Variants in CCSER1 observed in about 807,000 individuals in gnomAD.
CCSER1 encodes the protein coiled-coil serine rich protein 1, also known as serine-rich coiled-coil domain-containing protein 1.
A neutral mutation model predicts 82.0 loss-of-function variants in CCSER1; 41 were observed. The observed-to-expected ratio is 0.50, with a 90% CI of 0.39 to 0.65. CCSER1 has a LOEUF of 0.65. Among genes scored for constraint, CCSER1 ranks in the 30% least tolerant of loss-of-function variants. The pLI is 0.00. For missense variants in CCSER1, 1,119 were observed against 1,064.2 expected (o/e 1.05, Z -0.72); for synonymous variants, 414 against 383.9 (o/e 1.08, Z -0.92).
chr4:90,302,834 A>G (rs1481687701), intron 1 of CCSER1, among the ~76,000 whole-genome samples: 1 of 147,350 alleles, frequency 6.8e-6, no homozygotes, highest in Non-Finnish European at 1.5e-5. Context: ...CAAAACAAAA[A>G]GGAAGAAAGA....
intron 9 of CCSER1, among the ~76,000 whole-genome samples, chr4:90,949,994 T>C (rs541863485): frequency 6.6e-6 from 1 of 152,210 alleles, no homozygotes; most frequent in East Asian, 1.9e-4. Context: ...AGCCCTCTGC[T>C]ATCATACCAC....
chr4:90,210,400 G>T lies in CCSER1; in HGVS notation c.-42+82569G>T, dbSNP rs148273840. Among the ~76,000 whole-genome samples, 32 of 151,176 alleles carry T rather than the reference G, an allele frequency of 2.1e-4. No homozygotes were observed. The East Asian group carries it at 6.2e-3, about 29-fold the overall frequency. Reference sequence around the variant, plus strand: ...TTTGAATTGATGATAGCTATTTGTTGTATGAGTTTCAGGTATTCTGCTATC... The same window carrying T: ...TTTGAATTGATGATAGCTATTTGTTTTATGAGTTTCAGGTATTCTGCTATC... On this transcript the variant is annotated intron_variant, in intron 1 of 10. Transcript: ENST00000509176.
intron 5 of CCSER1, among the ~76,000 whole-genome samples, chr4:90,544,969 G>GA (rs1014518983): frequency 4.5e-4 from 69 of 152,128 alleles, no homozygotes; most frequent in African/African-American, 1.5e-3. Flanking sequence ...AAATATTTCT[G>GA]AAAAAAATAG....
At chr4:90,158,870 G>A (rs915419557) in intron 1 of CCSER1, among the ~76,000 whole-genome samples, 2 of 152,074 alleles carry the variant, frequency 1.3e-5, no homozygotes, top group Non-Finnish European at 1.5e-5. Flanking sequence ...CTCGCGCAGG[G>A]TGTGCTGCAC....
In CCSER1 at chr4:90,300,215, C is replaced by T. The variant is rs552961714; in HGVS notation, c.-41-8029C>T. On this transcript the variant is annotated intron_variant, in intron 1 of 10. Coordinates refer to ENST00000509176, the MANE Select transcript of CCSER1 (RefSeq NM_001145065.2). ...ACAAGAGGTCAGACTACTGATCTCA[C>T]ATTATATACGTCTTTTCAGTATTAT... Among the ~76,000 whole-genome samples, 114 of 152,206 alleles carry T rather than the reference C, an allele frequency of 7.5e-4. 1 individual carries two copies. The highest frequency in any genetic ancestry group is 8.5e-4 in the Non-Finnish European group (58 of 68,004).
chr4:91,460,148 A>G (rs2149429970), intron 10 of CCSER1, among the ~76,000 whole-genome samples: 1 of 152,318 alleles, frequency 6.6e-6, no homozygotes, highest in East Asian at 1.9e-4. Flanking sequence ...AAGTAAAATC[A>G]GTAATTTGTC....
At chr4:90,547,468 C>T (rs1197551628) in intron 5 of CCSER1, among the ~76,000 whole-genome samples, 1 of 151,948 alleles carries the variant, frequency 6.6e-6, no homozygotes, top group Non-Finnish European at 1.5e-5. Context: ...CATTTTTATA[C>T]TGACATTTTA....
At chr4:90,604,301 G>C (rs1027683022) in intron 5 of CCSER1, among the ~76,000 whole-genome samples, 3 of 152,098 alleles carry the variant, frequency 2.0e-5, no homozygotes, top group Non-Finnish European at 4.4e-5. Context: ...TTTATGGCTA[G>C]TTTACTGTCT....
chr4:90,130,076 CAA>C (rs537716914), intron 1 of CCSER1, among the ~76,000 whole-genome samples: 27 of 152,168 alleles, frequency 1.8e-4, no homozygotes, highest in African/African-American at 6.0e-4. Context: ...TTAGATAAAA[CAA>C]AGTAGAAAAT....
chr4:91,422,692 T>TA (rs775025998), intron 10 of CCSER1, among the ~76,000 whole-genome samples: 1 of 152,002 alleles, frequency 6.6e-6, no homozygotes, highest in Non-Finnish European at 1.5e-5. Flanking sequence ...TAATTTTGTA[T>TA]AAAAAAGAAA....
chr4:90,166,864 A>G (rs1280430332), intron 1 of CCSER1, among the ~76,000 whole-genome samples: 1 of 152,016 alleles, frequency 6.6e-6, no homozygotes, highest in East Asian at 1.9e-4. Flanking sequence ...TTAATTTACC[A>G]GTATTTAAAT....
At chr4:90,262,555 T>C (rs1406621500) in intron 1 of CCSER1, among the ~76,000 whole-genome samples, 1 of 152,166 alleles carries the variant, frequency 6.6e-6, no homozygotes, top group Non-Finnish European at 1.5e-5. Flanking sequence ...ATGGTTCAAG[T>C]TTTAGGCCAA....
intron 5 of CCSER1, among the ~76,000 whole-genome samples, chr4:90,502,288 G>GGA: frequency 6.6e-6 from 1 of 152,088 alleles, no homozygotes; most frequent in Non-Finnish European, 1.5e-5. Context: ...TGTGGCAGCA[G>GGA]GAGAGAGAGA....
intron 7 of CCSER1, among the ~76,000 whole-genome samples, chr4:90,765,141 C>G (rs1751026895): frequency 6.6e-6 from 1 of 152,118 alleles, no homozygotes; most frequent in African/African-American, 2.4e-5. Context: ...CGCTAACTCA[C>G]TTAATTAACT....
intron 10 of CCSER1, among the ~76,000 whole-genome samples, chr4:91,111,511 G>A (rs961893160): frequency 2.6e-5 from 4 of 151,892 alleles, no homozygotes; most frequent in Non-Finnish European, 4.4e-5. Context: ...ATTAGTCATT[G>A]GACAATACAA....
At chr4:90,817,908 A>T (rs1023749731) in intron 8 of CCSER1, among the ~76,000 whole-genome samples, 12 of 152,222 alleles carry the variant, frequency 7.9e-5, no homozygotes, top group Non-Finnish European at 1.8e-4. Context: ...TAAATTTTAC[A>T]CTTATGCTTT....
chr4:91,116,471 A>G (rs1424998021), intron 10 of CCSER1, among the ~76,000 whole-genome samples: 1 of 152,168 alleles, frequency 6.6e-6, no homozygotes, highest in African/African-American at 2.4e-5. Flanking sequence ...TAGCTCTTGT[A>G]ATAACAACAG....
At chr4:91,331,013 T>C (rs1746912002) in intron 10 of CCSER1, among the ~76,000 whole-genome samples, 1 of 152,146 alleles carries the variant, frequency 6.6e-6, no homozygotes, top group African/African-American at 2.4e-5. Flanking sequence ...GCTGTTATTA[T>C]ACAGGAAAAA....
chr4:90,273,343 G>C (rs1389186791), intron 1 of CCSER1, among the ~76,000 whole-genome samples: 1 of 152,062 alleles, frequency 6.6e-6, no homozygotes, highest in African/African-American at 2.4e-5. Context: ...TTAATCGCAT[G>C]TTTAAAGATA....
Sources: allele counts gnomAD v4.1 joint callset (sites outside exome capture counted in the v4.1 genomes callset), GRCh38; gene constraint gnomAD v4.1.1; transcripts MANE v1.5; gene names NCBI Gene and HGNC (gene_info 2026-07-23, HGNC 2026-07-21).